The following ZNF257 variants were observed in gnomAD, a reference collection of about 807,000 sequenced individuals.
The protein encoded by ZNF257 is bone marrow zinc finger 4.
A neutral mutation model predicts 11.9 loss-of-function variants in ZNF257; 12 were observed. The observed-to-expected ratio is 1.01, with a 90% CI of 0.65 to 1.63. The LOEUF is 1.63. Ranked by LOEUF, ZNF257 falls within the 40% of genes most tolerant of loss-of-function variation. The pLI is 0.00. For missense variants in ZNF257, 580 were observed against 665.5 expected (o/e 0.87, Z 1.41); for synonymous variants, 183 against 222.7 (o/e 0.82, Z 1.59).
At chr19:22,080,883 G>GT (rs35481296) in intron 3 of ZNF257, among the ~76,000 whole-genome samples, 56,103 of 143,078 alleles carry the variant, frequency 0.39, 11,612 homozygotes, top group South Asian at 0.64. Flanking sequence ...TATATAGTTG[G>GT]TTTTTTTTTT....
At chr19:22,064,910 C>T (rs763472424) in intron 1 of ZNF257, among the ~76,000 whole-genome samples, 6 of 151,854 alleles carry the variant, frequency 4.0e-5, no homozygotes, top group South Asian at 2.1e-4. Context: ...AAAAATTAGA[C>T]GGGTGTGGTG....
chr19:22,066,754 C>T (rs967413241), intron 1 of ZNF257, among the ~76,000 whole-genome samples: 1 of 152,100 alleles, frequency 6.6e-6, no homozygotes, highest in Non-Finnish European at 1.5e-5. Context: ...ATATGGAAGG[C>T]CTTTTCAATT....
At chr19:22,070,337 T>G (rs919913346) in intron 1 of ZNF257, among the ~76,000 whole-genome samples, 3 of 151,578 alleles carry the variant, frequency 2.0e-5, no homozygotes, top group African/African-American at 7.3e-5. Context: ...CTATACATTT[T>G]ATAAAAAATT....
At chr19:22,055,987 G>A (rs542893407) in intron 1 of ZNF257, among the ~76,000 whole-genome samples, 61 of 150,988 alleles carry the variant, frequency 4.0e-4, no homozygotes, top group Non-Finnish European at 7.8e-4. Context: ...CCCGGGAGGC[G>A]GAGCTTGCAG....
intron 1 of ZNF257, among the ~76,000 whole-genome samples, chr19:22,065,529 T>A (rs1188928543): frequency 6.6e-6 from 1 of 152,158 alleles, no homozygotes; most frequent in African/African-American, 2.4e-5. Context: ...AATTTTACAT[T>A]TATTATGACT....
chr19:22,067,331 A>T (rs987240459), intron 1 of ZNF257, among the ~76,000 whole-genome samples: 6 of 152,144 alleles, frequency 3.9e-5, no homozygotes, highest in Admixed American at 2.6e-4. Context: ...CACTGAATAG[A>T]CACGTAGACA....
intron 3 of ZNF257, among the ~76,000 whole-genome samples, chr19:22,077,795 T>C (rs1555761178): frequency 6.6e-6 from 1 of 152,172 alleles, no homozygotes; most frequent in Non-Finnish European, 1.5e-5. Context: ...ATGAGATTGC[T>C]GTATTTTATG....
chr19:22,056,105 A>AT (rs2021631542), intron 1 of ZNF257, among the ~76,000 whole-genome samples: 1 of 151,828 alleles, frequency 6.6e-6, no homozygotes, highest in South Asian at 2.1e-4. Flanking sequence ...TTGACCTCCG[A>AT]TTTTTTAAGT....
chr19:22,071,678 C>A (rs1055212181), intron 1 of ZNF257, among the ~76,000 whole-genome samples: 1 of 152,012 alleles, frequency 6.6e-6, no homozygotes, highest in Non-Finnish European at 1.5e-5. Context: ...TATACCAGAG[C>A]CTTCTACATC....
chr19:22,057,243 A>G (rs2021667843), intron 1 of ZNF257, among the ~76,000 whole-genome samples: 1 of 152,122 alleles, frequency 6.6e-6, no homozygotes, highest in Non-Finnish European at 1.5e-5. Flanking sequence ...ACTATGTTTG[A>G]TAATTTTGCT....
chr19:22,058,660 C>T (rs776653694), intron 1 of ZNF257, among the ~76,000 whole-genome samples: 1 of 152,134 alleles, frequency 6.6e-6, no homozygotes, highest in Non-Finnish European at 1.5e-5. Flanking sequence ...CTCTGGGAGG[C>T]TCTGCTTTTC....
At chr19:22,086,381 A>C (rs2022476440) in intron 3 of ZNF257, among the ~76,000 whole-genome samples, 1 of 152,094 alleles carries the variant, frequency 6.6e-6, no homozygotes, top group African/African-American at 2.4e-5. Context: ...TTGTATATTT[A>C]TTAACAGATA....
intron 2 of ZNF257, 50 bp from the exon 3 acceptor site, chr19:22,073,419 G>A: frequency 6.4e-7 from 1 of 1,557,864 alleles, no homozygotes; most frequent in Non-Finnish European, 8.7e-7. Flanking sequence ...TACTAAGTTG[G>A]TAATTGGAGA....
rs757908682 is a variant in ZNF257 at position 22,088,370 on chromosome 19, G to A, written c.620G>A (p.Gly207Asp). 9 of 1,613,636 alleles carry A rather than the reference G, an allele frequency of 5.6e-6. No homozygotes were observed. Among genetic ancestry groups the A allele is most frequent in the Non-Finnish European group, 7.6e-6 (9 of 1,179,846 alleles). Residue 207 changes from glycine to aspartate, a missense_variant, in exon 4 of 4, where the codon GGC (glycine) becomes GAC (aspartate). Physicochemically the swap from Gly to Asp is moderately conservative, Grantham distance 94. Coordinates refer to ENST00000594947, the MANE Select transcript of ZNF257 (RefSeq NM_033468.4). ...AATTCCCACAAATGTGAAGAATGTG[G>A]CAAAGCCTTTAACCAGTCCTCAGCT... ...RENSHKCEEC[G>D]KAFNQSSALT...
chr19:22,088,213 T>C lies in ZNF257; in HGVS notation c.463T>C (p.Tyr155His), dbSNP rs1191966751. The C allele has an allele frequency of 6.2e-7, 1 of 1,608,526 alleles. No individual in the cohort carries two copies. Among genetic ancestry groups the C allele is most frequent in the Non-Finnish European group, 8.5e-7 (1 of 1,177,930 alleles). Residue 155 changes from tyrosine to histidine, a missense_variant, in exon 4 of 4, where the codon TAT (tyrosine) becomes CAT (histidine). By Grantham distance (83) the Tyr-to-His change is moderately conservative (BLOSUM62 2). Transcript: ENST00000594947. Reference protein sequence around the residue: ...YQCDKYVKVFYKFSNSDRHKI... With the variant: ...YQCDKYVKVFHKFSNSDRHKI... ...ATGTGATAAATATGTAAAAGTCTTC[T>C]ATAAGTTTTCAAATTCAGATAGACA... is the stretch of plus-strand genomic sequence containing the variant.
At chr19:22,054,362 C>T (rs1035231734) in intron 1 of ZNF257, among the ~76,000 whole-genome samples, 8 of 152,024 alleles carry the variant, frequency 5.3e-5, no homozygotes, top group East Asian at 1.9e-4. Flanking sequence ...GAGCCGCGTC[C>T]GGCCTTTTCC....
chr19:22,077,230 G>A (rs1342659985), intron 3 of ZNF257, among the ~76,000 whole-genome samples: 5 of 152,058 alleles, frequency 3.3e-5, no homozygotes, highest in African/African-American at 1.2e-4. Context: ...GAGTGGGGAG[G>A]ATTACTTGAG....
chr19:22,087,243 A>AT (rs2022496486), intron 3 of ZNF257, among the ~76,000 whole-genome samples: 1 of 151,672 alleles, frequency 6.6e-6, no homozygotes, highest in Non-Finnish European at 1.5e-5. Context: ...AAAAAAAAAA[A>AT]GGCTACCTGT....
At chr19:22,078,482 A>G (rs1391506123) in intron 3 of ZNF257, among the ~76,000 whole-genome samples, 1 of 152,052 alleles carries the variant, frequency 6.6e-6, no homozygotes, top group South Asian at 2.1e-4. Flanking sequence ...ATTAACTCCT[A>G]TCATGTGATT....
Sources: allele counts gnomAD v4.1 joint callset (sites outside exome capture counted in the v4.1 genomes callset), GRCh38; gene constraint gnomAD v4.1.1; transcripts MANE v1.5; gene names NCBI Gene and HGNC (gene_info 2026-07-23, HGNC 2026-07-21).